Variants in SAXO4 observed in about 807,000 individuals in gnomAD.
SAXO4 encodes the protein protein phosphatase 1 regulatory subunit 32.
the SAXO4 span, chr11:61,490,455 C>T: frequency 1.0e-5 from 16 of 1,536,870 alleles, no homozygotes; most frequent in Non-Finnish European, 1.4e-5. Context: ...AAGGTCCATG[C>T]CCTGCCTGCC....
the SAXO4 span, chr11:61,490,461 C>A: frequency 6.3e-7 from 1 of 1,576,900 alleles, no homozygotes; most frequent in Non-Finnish European, 8.7e-7. Context: ...CATGCCCTGC[C>A]TGCCAACACC....
At chr11:61,481,917 C>T in the SAXO4 span, 10 of 1,577,254 alleles carry the variant, frequency 6.3e-6, no homozygotes, top group South Asian at 2.3e-5. Context: ...GCACCGCCTA[C>T]GGTGAGGGTG....
the SAXO4 span, chr11:61,486,618 G>C: frequency 6.2e-7 from 1 of 1,613,410 alleles, no homozygotes; most frequent in African/African-American, 1.3e-5. Flanking sequence ...AGAGTGAGTG[G>C]CCTTGGCGTC....
chr11:61,487,249 C>T, the SAXO4 span: 135 of 1,610,922 alleles, frequency 8.4e-5, no homozygotes, highest in Middle Eastern at 1.6e-4. Flanking sequence ...GGGTGAGGTC[C>T]GCTTCCTGGT....
chr11:61,488,048 G>A, the SAXO4 span, among the ~76,000 whole-genome samples: 3 of 150,702 alleles, frequency 2.0e-5, no homozygotes, highest in South Asian at 2.1e-4. Flanking sequence ...GTGCAATGGC[G>A]TGATCTCAGC....
chr11:61,482,731 C>A, the SAXO4 span: 2 of 1,613,912 alleles, frequency 1.2e-6, no homozygotes, highest in African/African-American at 2.7e-5. Context: ...CGGCAAGCAT[C>A]CCCTGCCCTG....
chr11:61,483,401 C>G, the SAXO4 span, among the ~76,000 whole-genome samples: 2 of 151,906 alleles, frequency 1.3e-5, no homozygotes. Flanking sequence ...CTCCTGACCT[C>G]GTGATCTGCC....
chr11:61,486,490 A>C, the SAXO4 span: 1 of 1,610,500 alleles, frequency 6.2e-7, no homozygotes, highest in Non-Finnish European at 8.5e-7. Flanking sequence ...AGGCAGCCAC[A>C]TCCTGGTGCC....
the SAXO4 span, chr11:61,489,219 C>CA: frequency 4.3e-4 from 70 of 162,818 alleles, no homozygotes; most frequent in African/African-American, 1.7e-3. Context: ...AGACCAGCTC[C>CA]AGTCCTGTCT....
At chr11:61,481,881 C>T in the SAXO4 span, 1 of 1,576,056 alleles carries the variant, frequency 6.3e-7, no homozygotes, top group Non-Finnish European at 8.6e-7. Context: ...ACACGGACCC[C>T]CTGAAATTCT....
the SAXO4 span, chr11:61,482,434 G>A: frequency 1.2e-6 from 2 of 1,610,626 alleles, no homozygotes; most frequent in South Asian, 1.1e-5. Flanking sequence ...AGGGGGTACG[G>A]TCTGTATGGC....
At chr11:61,482,183 C>T in the SAXO4 span, 4 of 808,664 alleles carry the variant, frequency 4.9e-6, no homozygotes, top group Non-Finnish European at 6.1e-6. Context: ...TTGCAAAGCT[C>T]CTGCCCGTGG....
At chr11:61,485,875 C>T in the SAXO4 span, 1 of 1,614,018 alleles carries the variant, frequency 6.2e-7, no homozygotes, top group East Asian at 2.2e-5. Flanking sequence ...GCCCCATTGT[C>T]TTCCAACCGC....
the SAXO4 span, chr11:61,487,072 C>A: frequency 6.2e-7 from 1 of 1,611,572 alleles, no homozygotes; most frequent in Non-Finnish European, 8.5e-7. Flanking sequence ...GTGAGACTTG[C>A]TACACCTAGC....
the SAXO4 span, chr11:61,484,692 G>A: frequency 3.1e-5 from 50 of 1,613,422 alleles, no homozygotes; most frequent in Middle Eastern, 3.3e-4. Context: ...TCCCAGGTCC[G>A]GAAGGTCCAT....
the SAXO4 span, chr11:61,486,939 G>A: frequency 6.2e-7 from 1 of 1,612,854 alleles, no homozygotes; most frequent in Non-Finnish European, 8.5e-7. Context: ...GTGGTTCTGT[G>A]CCCTGCAGGT....
the SAXO4 span, among the ~76,000 whole-genome samples, chr11:61,488,011 G>A: frequency 6.7e-6 from 1 of 150,120 alleles, no homozygotes; most frequent in African/African-American, 2.5e-5. Context: ...TTTTGAGATG[G>A]AGTTTCACTC....
At chr11:61,486,816 G>A in the SAXO4 span, 2 of 915,906 alleles carry the variant, frequency 2.2e-6, no homozygotes, top group Non-Finnish European at 3.5e-6. Context: ...GAATTGGCTG[G>A]AAGGGGAAGG....
chr11:61,490,383 G>T, the SAXO4 span: 2 of 883,910 alleles, frequency 2.3e-6, no homozygotes, highest in African/African-American at 3.3e-5. Context: ...TTGTGGCTTG[G>T]CTGCCCTGGC....
Sources: gnomAD v4.1 joint callset for allele counts (sites outside exome capture counted in the v4.1 genomes callset) on GRCh38, gnomAD v4.1.1 for gene constraint, MANE v1.5 for transcripts, NCBI Gene and HGNC (gene_info 2026-07-23, HGNC 2026-07-21) for gene names.